The following RP1 variants were observed in gnomAD, a reference collection of about 807,000 sequenced individuals.
The protein encoded by RP1 is RP1 axonemal microtubule associated, also known as oxygen-regulated protein 1.
Under a neutral mutation model 14.8 loss-of-function variants are expected in RP1, and 16 were observed. That is an observed-to-expected ratio of 1.08 (90% CI 0.73 to 1.65). RP1 has a LOEUF of 1.65. Ranked by LOEUF, RP1 falls within the 40% of genes most tolerant of loss-of-function variation. The pLI is 0.00. For synonymous variants in RP1, 876 were observed against 883.6 expected (o/e 0.99, Z 0.15); for missense variants, 2,631 against 2,535.0 (o/e 1.04, Z -0.81).
At position 54,630,662 on chromosome 8, in the gene RP1, A is replaced by G; in HGVS notation, c.*309A>G. On this transcript the variant is annotated 3_prime_UTR_variant, in exon 4 of 4. Transcript: ENST00000220676. ...CAGGGCATCAAAATGTGCTAAGGAC[A>G]AGAATTATATCCTTTTTAAAAAATG... is the stretch of plus-strand genomic sequence containing the variant. The G allele has an allele frequency of 8.7e-7, 1 of 1,152,366 alleles. No individual in the cohort carries two copies. The highest frequency in any genetic ancestry group is 1.1e-6 in the Non-Finnish European group (1 of 933,658). 71.4% of individuals were successfully genotyped at this position (1,152,366 alleles called of 1,614,324 possible).
intron 19 of RP1, among the ~76,000 whole-genome samples, chr8:54,740,925 AG>A (rs1325745522): frequency 6.6e-6 from 1 of 151,764 alleles, no homozygotes; most frequent in Non-Finnish European, 1.5e-5. Flanking sequence ...AGTCCCAGCT[AG>A]TCGGGAGGCT....
At chr8:54,610,828 A>C (rs949870571) in intron 1 of RP1, among the ~76,000 whole-genome samples, 1 of 152,264 alleles carries the variant, frequency 6.6e-6, no homozygotes, top group Non-Finnish European at 1.5e-5. Context: ...TGCCCTCCTA[A>C]TTGGCGTACC....
chr8:54,850,235 G>A (rs1426845039), intron 25 of RP1, among the ~76,000 whole-genome samples: 1 of 152,140 alleles, frequency 6.6e-6, no homozygotes, highest in Non-Finnish European at 1.5e-5. Flanking sequence ...ATTATCTGTA[G>A]CCTGAATGAC....
intron 15 of RP1, among the ~76,000 whole-genome samples, chr8:54,708,443 G>A (rs1407940354): frequency 6.6e-6 from 1 of 150,734 alleles, no homozygotes; most frequent in Non-Finnish European, 1.5e-5. Flanking sequence ...TGCAAGCTCC[G>A]CCTCCTGGGT....
chr8:54,821,982 G>T (rs575245935), intron 24 of RP1, among the ~76,000 whole-genome samples: 8 of 152,270 alleles, frequency 5.3e-5, no homozygotes, highest in African/African-American at 1.9e-4. Flanking sequence ...ACTTAACAAG[G>T]CTTCCATTGG....
At chr8:54,667,443 GT>G (rs1233754499) in intron 7 of RP1, among the ~76,000 whole-genome samples, 1 of 152,136 alleles carries the variant, frequency 6.6e-6, no homozygotes, top group East Asian at 1.9e-4. Flanking sequence ...CCTGCAGGCT[GT>G]TTTTTGCAGC....
chr8:54,634,857 G>A (rs1217244074), downstream of RP1, among the ~76,000 whole-genome samples: 4 of 152,066 alleles, frequency 2.6e-5, no homozygotes, highest in African/African-American at 7.2e-5. Flanking sequence ...CAAGGTGGGC[G>A]GATCACGAGG....
At chr8:54,855,972 C>CACACACACA (rs10573058) in intron 26 of RP1, among the ~76,000 whole-genome samples, 1 of 70,618 alleles carries the variant, frequency 1.4e-5, no homozygotes, top group African/African-American at 7.8e-5. Context: ...CACACACACA[C>CACACACACA]CCCCTATAAC....
chr8:54,572,534 C>T (rs925469910), intron 1 of RP1, among the ~76,000 whole-genome samples: 1 of 152,200 alleles, frequency 6.6e-6, no homozygotes, highest in East Asian at 1.9e-4. Flanking sequence ...CGACTGGAAC[C>T]TTCCTTGGAT....
chr8:54,687,149 TA>T (rs1322904623), intron 12 of RP1, among the ~76,000 whole-genome samples: 2 of 152,060 alleles, frequency 1.3e-5, no homozygotes, highest in African/African-American at 4.8e-5. Flanking sequence ...ATCAGGAAAG[TA>T]AAAGTCTAAA....
chr8:54,866,837 G>A (rs1812469551), intron 28 of RP1, among the ~76,000 whole-genome samples: 1 of 152,174 alleles, frequency 6.6e-6, no homozygotes, highest in South Asian at 2.1e-4. Context: ...GTGTCAAGGT[G>A]CTATGTCTAT....
At chr8:54,844,066 C>A (rs1024908335) in intron 25 of RP1, among the ~76,000 whole-genome samples, 1 of 152,094 alleles carries the variant, frequency 6.6e-6, no homozygotes, top group African/African-American at 2.4e-5. Flanking sequence ...TCTCCTTGAA[C>A]TTTATGGTTA....
At chr8:54,698,041 G>C (rs1176677440) in intron 12 of RP1, among the ~76,000 whole-genome samples, 1 of 152,116 alleles carries the variant, frequency 6.6e-6, no homozygotes, top group East Asian at 1.9e-4. Flanking sequence ...ACTGACAAAT[G>C]GGATCTAATT....
chr8:54,652,634 T>G (rs1806678222), intron 4 of RP1: 2 of 599,672 alleles, frequency 3.3e-6, no homozygotes, highest in African/African-American at 3.7e-5. Flanking sequence ...ATTTTAGTAC[T>G]CTCTTGTTAG....
intron 12 of RP1, among the ~76,000 whole-genome samples, chr8:54,685,125 A>AT (rs1473667289): frequency 6.6e-6 from 1 of 152,026 alleles, no homozygotes; most frequent in African/African-American, 2.4e-5. Flanking sequence ...GGATTTGTTG[A>AT]TTTTTTGAAG....
At position 54,628,758 on chromosome 8, in the gene RP1, G is replaced by A. The variant is rs527236106; in HGVS notation, c.4876G>A (p.Gly1626Arg). The A allele has an allele frequency of 1.1e-5, 18 of 1,614,032 alleles. No individual in the cohort carries two copies. The East Asian group carries it at 3.8e-4, about 34-fold the overall frequency. ...ELTQEKEYNI[G>R]FVKRAIEKLY... ...TACCCAAGAGAAAGAATATAACATA[G>A]GATTTGTTAAAAGGGCAATAGAAAA... The change falls in exon 4 of 4, where the codon GGA becomes AGA. Residue 1626 changes from glycine to arginine, a missense_variant. By Grantham distance (125) the Gly-to-Arg change is moderately radical. Transcript: ENST00000220676.
At chr8:54,831,428 A>G (rs1585730207) in intron 24 of RP1, among the ~76,000 whole-genome samples, 1 of 125,522 alleles carries the variant, frequency 8.0e-6, no homozygotes, top group Non-Finnish European at 1.7e-5. Flanking sequence ...TTAACATTCA[A>G]TAGTATCTTC....
rs1392491664 is a variant in RP1, at chr8:54,630,598, A to C, written c.*245A>C. 37 of 1,205,246 alleles carry C rather than the reference A, an allele frequency of 3.1e-5. No homozygotes were observed. The highest frequency in any genetic ancestry group is 3.5e-5 in the Non-Finnish European group (34 of 966,292). 74.7% of individuals were successfully genotyped at this position (1,205,246 alleles called of 1,614,324 possible). On this transcript the variant is annotated 3_prime_UTR_variant, in exon 4 of 4. Transcript: ENST00000220676. The stretch of plus-strand genomic sequence containing the variant: ...TTCTATCTGGTTTTGTTCTGAACTT[A>C]CATTTTTTTTTTTTTTGGTATCTAT...
At chr8:54,648,268 C>T (rs1337512624) in intron 3 of RP1, among the ~76,000 whole-genome samples, 1 of 152,036 alleles carries the variant, frequency 6.6e-6, no homozygotes, top group Non-Finnish European at 1.5e-5. Context: ...GATGTTTACC[C>T]CAAAGAAACC....
Sources: allele counts gnomAD v4.1 joint callset (sites outside exome capture counted in the v4.1 genomes callset), GRCh38; gene constraint gnomAD v4.1.1; transcripts MANE v1.5; gene names NCBI Gene and HGNC (gene_info 2026-07-23, HGNC 2026-07-21).